RELN: variants seen among roughly 807,000 people sequenced by gnomAD.
The protein encoded by RELN is reelin.
RELN carries 108 observed loss-of-function variants against 427.6 expected under a neutral mutation model. That is an observed-to-expected ratio of 0.25 (90% CI 0.22 to 0.30). The LOEUF (loss-of-function observed/expected upper bound fraction) is 0.30, where lower values mean the gene tolerates loss of function less well. Ranked by LOEUF, RELN falls within the 10% of genes least tolerant of loss-of-function variation. The pLI, the probability that RELN is intolerant of heterozygous loss-of-function variation, is 1.00. For synonymous variants in RELN, 1,524 were observed against 1,513.4 expected, an observed-to-expected ratio of 1.01 and a Z score of -0.16; for missense variants, 3,715 against 4,302.8, an observed-to-expected ratio of 0.86 and a Z score of 3.82.
At chr7:103,739,520 C>T (rs912730144) in intron 6 of RELN, among the ~76,000 whole-genome samples, 8 of 152,248 alleles carry the variant, frequency 5.3e-5, no homozygotes, top group African/African-American at 1.9e-4. Flanking sequence ...TCTCCCTCAC[C>T]CTCTTGGGTT....
At chr7:103,882,715 C>T (rs1794636521) in intron 2 of RELN, among the ~76,000 whole-genome samples, 1 of 152,150 alleles carries the variant, frequency 6.6e-6, no homozygotes, top group Non-Finnish European at 1.5e-5. Flanking sequence ...TTCCTGGACA[C>T]ATACACCCTC....
At chr7:103,890,722 T>C (rs1452217538) in intron 2 of RELN, among the ~76,000 whole-genome samples, 3 of 152,120 alleles carry the variant, frequency 2.0e-5, no homozygotes, top group Non-Finnish European at 2.9e-5. Context: ...CACCAGGCCA[T>C]GGTAGGACCC....
In RELN at chr7:103,825,334, A is replaced by C. The variant is rs1178266398; in HGVS notation, c.473+8203T>G. On this transcript the variant is annotated intron_variant, in intron 3 of 64. Coordinates refer to ENST00000428762, the MANE Select transcript of RELN (RefSeq NM_005045.4). ...CCAAGGCAGCCAAAGAGCAGCACTA[A>C]GTCCTGGGCACTGTAAGGGATGATA... 2.6e-5 allele frequency among the ~76,000 whole-genome samples: 4 copies of C among 152,164 alleles called. 1 individual carries two copies. The highest frequency in any genetic ancestry group is 9.7e-5 in the African/African-American group (4 of 41,448).
At chr7:103,568,193 A>G (rs1296524509) in intron 31 of RELN, among the ~76,000 whole-genome samples, 1 of 152,152 alleles carries the variant, frequency 6.6e-6, no homozygotes, top group African/African-American at 2.4e-5. Flanking sequence ...ACCCTTTATC[A>G]CATTGGATAA....
At chr7:103,700,292 G>C (rs1337949036) in intron 9 of RELN, among the ~76,000 whole-genome samples, 2 of 152,010 alleles carry the variant, frequency 1.3e-5, no homozygotes, top group Non-Finnish European at 2.9e-5. Context: ...TTTGAGTTTT[G>C]CTAATCTAGC....
intron 10 of RELN, among the ~76,000 whole-genome samples, chr7:103,683,360 G>A (rs1833694399): frequency 1.3e-5 from 2 of 152,030 alleles, no homozygotes; most frequent in Admixed American, 1.3e-4. Context: ...GGAATGACAT[G>A]GAAATGCCCT....
intron 3 of RELN, among the ~76,000 whole-genome samples, chr7:103,791,304 TAAA>T (rs1463195109): frequency 1.3e-5 from 2 of 152,114 alleles, no homozygotes; most frequent in African/African-American, 2.4e-5. Context: ...ATAATCATGA[TAAA>T]GAAGAAAGCT....
intron 1 of RELN, among the ~76,000 whole-genome samples, chr7:103,936,097 G>A (rs1287568845): frequency 1.9e-5 from 2 of 103,696 alleles, no homozygotes; most frequent in Admixed American, 1.9e-4. Flanking sequence ...TTGCTTCAAT[G>A]GCTTTTTTTT....
intron 60 of RELN, among the ~76,000 whole-genome samples, chr7:103,489,042 G>T (rs1562845733): frequency 6.6e-6 from 1 of 152,192 alleles, no homozygotes; most frequent in African/African-American, 2.4e-5. Context: ...AAACCTGTTA[G>T]AAACATTGGA....
At chr7:103,869,040 T>C (rs1007400818) in intron 2 of RELN, among the ~76,000 whole-genome samples, 2 of 152,104 alleles carry the variant, frequency 1.3e-5, no homozygotes, top group Non-Finnish European at 2.9e-5. Context: ...CTTAGTGTAA[T>C]TATCGATATG....
At chr7:103,701,094 T>A in intron 8 of RELN, 88 bp from the exon 9 acceptor site, 1 of 810,814 alleles carries the variant, frequency 1.2e-6, no homozygotes, top group Non-Finnish European at 2.1e-6. Flanking sequence ...AGATAATTTT[T>A]AAACTATTAG....
chr7:103,947,793 T>G (rs1280544242), intron 1 of RELN, among the ~76,000 whole-genome samples: 2 of 152,238 alleles, frequency 1.3e-5, no homozygotes, highest in Admixed American at 1.3e-4. Context: ...AGTGCATATG[T>G]AAATGAGAAA....
intron 28 of RELN, among the ~76,000 whole-genome samples, chr7:103,577,770 T>C (rs1474483490): frequency 6.6e-6 from 1 of 152,212 alleles, no homozygotes; most frequent in Non-Finnish European, 1.5e-5. Flanking sequence ...ATGTCTGTGA[T>C]AAATGAGGAA....
At chr7:103,648,426 C>G (rs1277951943) in intron 16 of RELN, among the ~76,000 whole-genome samples, 1 of 152,090 alleles carries the variant, frequency 6.6e-6, no homozygotes, top group Admixed American at 6.6e-5. Context: ...AACTAAATCT[C>G]TTTTCTTTAT....
intron 28 of RELN, among the ~76,000 whole-genome samples, chr7:103,582,384 A>G (rs1831172811): frequency 6.6e-6 from 1 of 152,254 alleles, no homozygotes; most frequent in Non-Finnish European, 1.5e-5. Flanking sequence ...TGGTAAATTC[A>G]TCAACTCTGC....
chr7:103,610,398 C>T (rs531537196), intron 22 of RELN, among the ~76,000 whole-genome samples: 253 of 152,086 alleles, frequency 1.7e-3, no homozygotes, highest in Non-Finnish European at 2.5e-3. Flanking sequence ...TGAAAGTAAC[C>T]GACTCATTGA....
Position 103,573,937 on chromosome 7 carries a change from A to G in RELN, c.4511+155T>C, listed in dbSNP as rs1315634993. Among the ~76,000 whole-genome samples the G allele has an allele frequency of 6.6e-6, 1 of 152,250 alleles. No individual in the cohort carries two copies. Among genetic ancestry groups the G allele is most frequent in the Non-Finnish European group, 1.5e-5 (1 of 68,050 alleles). ...TTGTAGAAACCACCTATTTTATTCC[A>G]AAGCTAAAGTTATCTTCATTTTTAC... On this transcript the variant is annotated intron_variant, in intron 30 of 64. Transcript: ENST00000428762. This position sits in a 1 kb window ranked among gnomAD's most constrained non-coding sequence, Gnocchi z 4.4.
chr7:103,481,488 T>G (rs1167314685), intron 63 of RELN, among the ~76,000 whole-genome samples: 3 of 152,172 alleles, frequency 2.0e-5, no homozygotes, highest in African/African-American at 7.2e-5. Flanking sequence ...TCTACCAGTT[T>G]ATGAGAATCA....
intron 43 of RELN, among the ~76,000 whole-genome samples, chr7:103,541,147 C>T (rs1043744362): frequency 6.6e-6 from 1 of 152,108 alleles, no homozygotes; most frequent in African/African-American, 2.4e-5. Context: ...ATGATACTGG[C>T]CACTGAGAAT....
Sources: allele counts gnomAD v4.1 joint callset (sites outside exome capture counted in the v4.1 genomes callset), GRCh38; gene constraint gnomAD v4.1.1; non-coding constraint Gnocchi (gnomAD v3.1); transcripts MANE v1.5; gene names NCBI Gene and HGNC (gene_info 2026-07-23, HGNC 2026-07-21).